The following PTPRK variants were observed in gnomAD, a reference collection of about 807,000 sequenced individuals.
The protein encoded by PTPRK is receptor-type tyrosine-protein phosphatase kappa.
Under a neutral mutation model 178.0 loss-of-function variants are expected in PTPRK, and 75 were observed. That is an observed-to-expected ratio of 0.42 (90% CI 0.35 to 0.51). The LOEUF (loss-of-function observed/expected upper bound fraction) is 0.51. Ranked by LOEUF, PTPRK falls within the 20% of genes least tolerant of loss-of-function variation. The probability of loss-of-function intolerance (pLI) is 0.02; values close to 1 mark genes in which losing one functional copy is unlikely to be tolerated. For missense variants in PTPRK, 1,441 were observed against 1,797.8 expected (o/e 0.80, Z 3.59); for synonymous variants, 637 against 620.6 (o/e 1.03, Z -0.39).
intron 7 of PTPRK, among the ~76,000 whole-genome samples, chr6:128,098,928 A>C (rs1269206506): frequency 6.6e-6 from 1 of 151,946 alleles, no homozygotes; most frequent in African/African-American, 2.4e-5. Context: ...GGAGGGGTTA[A>C]TTTCTTCACT....
At chr6:128,234,077 C>T (rs1812789060) in intron 5 of PTPRK, among the ~76,000 whole-genome samples, 1 of 152,208 alleles carries the variant, frequency 6.6e-6, no homozygotes, top group African/African-American at 2.4e-5. Flanking sequence ...TAATGCATAA[C>T]TTTCAGTCCA....
chr6:128,124,673 A>G (rs778173405), intron 7 of PTPRK, among the ~76,000 whole-genome samples: 3 of 151,980 alleles, frequency 2.0e-5, no homozygotes, highest in Non-Finnish European at 2.9e-5. Flanking sequence ...TGTCAACTTA[A>G]AAGTTGTTTG....
intron 7 of PTPRK, among the ~76,000 whole-genome samples, chr6:128,130,763 G>A (rs1415047319): frequency 1.3e-5 from 2 of 152,032 alleles, no homozygotes; most frequent in African/African-American, 4.8e-5. Flanking sequence ...GCATAGAAAC[G>A]GAGAGATTTC....
At chr6:128,255,312 T>C (rs921869085) in intron 3 of PTPRK, among the ~76,000 whole-genome samples, 6 of 152,132 alleles carry the variant, frequency 3.9e-5, no homozygotes, top group Admixed American at 1.3e-4. Context: ...TAAGGATAGA[T>C]GGAGAGAGAT....
intron 6 of PTPRK, among the ~76,000 whole-genome samples, chr6:128,216,826 C>G (rs1809396727): frequency 6.6e-6 from 1 of 151,640 alleles, no homozygotes; most frequent in African/African-American, 2.4e-5. Flanking sequence ...AAGGGAGCAC[C>G]TGGATAAAAG....
intron 2 of PTPRK, among the ~76,000 whole-genome samples, chr6:128,390,293 G>T (rs1045763802): frequency 2.6e-5 from 4 of 152,084 alleles, no homozygotes; most frequent in African/African-American, 9.7e-5. Context: ...CAGACACGCA[G>T]CAAGTGTTTA....
chr6:128,367,117 G>A (rs1474577152), intron 2 of PTPRK, among the ~76,000 whole-genome samples: 3 of 152,182 alleles, frequency 2.0e-5, no homozygotes, highest in South Asian at 2.1e-4. Context: ...CTCCATAAGC[G>A]AAGAATAATC....
chr6:128,150,820 C>T (rs548252929), intron 7 of PTPRK, among the ~76,000 whole-genome samples: 1 of 152,154 alleles, frequency 6.6e-6, no homozygotes, highest in South Asian at 2.1e-4. Flanking sequence ...TTTACACATT[C>T]TGTGTTACTC....
chr6:128,464,645 A>ATATATATATATATG (rs1849573280), intron 1 of PTPRK, among the ~76,000 whole-genome samples: 1 of 86,990 alleles, frequency 1.1e-5, no homozygotes, highest in Non-Finnish European at 2.3e-5. Context: ...ACACATATAT[A>ATATATATATATATG]TATATATATA....
intron 3 of PTPRK, among the ~76,000 whole-genome samples, chr6:128,316,949 G>A (rs955662686): frequency 2.0e-5 from 3 of 152,084 alleles, no homozygotes; most frequent in Admixed American, 6.6e-5. Context: ...CAACCCATTT[G>A]GGGTACTCTG....
chr6:128,273,487 A>C (rs1820224654), intron 3 of PTPRK, among the ~76,000 whole-genome samples: 1 of 152,182 alleles, frequency 6.6e-6, no homozygotes, highest in South Asian at 2.1e-4. Context: ...TTCCTATGTA[A>C]AATTGAGTTT....
At chr6:128,114,445 C>T (rs566029686) in intron 7 of PTPRK, among the ~76,000 whole-genome samples, 1 of 151,956 alleles carries the variant, frequency 6.6e-6, no homozygotes, top group African/African-American at 2.4e-5. Flanking sequence ...TGGTGAAATC[C>T]TGTATCTAGT....
At chr6:128,455,483 A>C (rs991252085) in intron 1 of PTPRK, among the ~76,000 whole-genome samples, 3 of 152,152 alleles carry the variant, frequency 2.0e-5, no homozygotes, top group Non-Finnish European at 2.9e-5. Flanking sequence ...AAACAGTTAA[A>C]ATTAAAGCAT....
intron 7 of PTPRK, among the ~76,000 whole-genome samples, chr6:128,165,047 T>C (rs1189385091): frequency 6.6e-6 from 1 of 151,298 alleles, no homozygotes; most frequent in African/African-American, 2.4e-5. Flanking sequence ...CATGTTTGCA[T>C]GAAATTATAT....
chr6:128,184,761 T>C (rs1802482578), intron 6 of PTPRK, 36 bp from the exon 7 acceptor site: 2 of 1,575,876 alleles, frequency 1.3e-6, no homozygotes, highest in Non-Finnish European at 1.7e-6. Context: ...ATTAGTAAGA[T>C]TTAAAATAAT....
At chr6:128,145,411 T>C (rs1277234182) in intron 7 of PTPRK, among the ~76,000 whole-genome samples, 6 of 152,164 alleles carry the variant, frequency 3.9e-5, no homozygotes, top group Non-Finnish European at 8.8e-5. Context: ...TATATTAAAA[T>C]GTACAGCTTT....
At chr6:128,017,550 G>T (rs765979689) in intron 13 of PTPRK, among the ~76,000 whole-genome samples, 2 of 151,288 alleles carry the variant, frequency 1.3e-5, no homozygotes, top group Non-Finnish European at 3.0e-5. Flanking sequence ...ACCTCTGCCA[G>T]CTCCATATGG....
intron 1 of PTPRK, among the ~76,000 whole-genome samples, chr6:128,403,578 G>GT (rs149729003): frequency 0.05 from 7,456 of 147,884 alleles, 624 homozygotes; most frequent in African/African-American, 0.17. Context: ...ACCCAACACA[G>GT]TTTTTTTTTT....
Position 128,239,324 on chromosome 6 carries a change from C to T in PTPRK, c.693+711G>A, listed in dbSNP as rs555926489. ...ATCTGTTTTAGGTCCAGCTTCCTGG[C>T]TTTAGAGCTGCTCTCAGCTCCTCCC... On this transcript the variant is annotated intron_variant, in intron 5 of 29. Coordinates refer to ENST00000368226, the MANE Select transcript of PTPRK (RefSeq NM_002844.4). Among the ~76,000 whole-genome samples the T allele has an allele frequency of 5.3e-5, 8 of 152,254 alleles. No individual in the cohort carries two copies. In the South Asian group the frequency reaches 1.5e-3, roughly 28 times the overall value.
Sources: allele counts gnomAD v4.1 joint callset (sites outside exome capture counted in the v4.1 genomes callset), GRCh38; gene constraint gnomAD v4.1.1; transcripts MANE v1.5; gene names NCBI Gene and HGNC (gene_info 2026-07-23, HGNC 2026-07-21).